Variants in SGCD observed in about 807,000 individuals in gnomAD.
SGCD encodes the protein delta-sarcoglycan.
In SGCD, 18 loss-of-function variants were observed where a neutral mutation model predicts 36.6. That is an observed-to-expected ratio of 0.49 (90% CI 0.34 to 0.73). The LOEUF (loss-of-function observed/expected upper bound fraction) is 0.73, where lower values mean the gene tolerates loss of function less well. SGCD is among the 30% of genes least tolerant of loss of function. SGCD has a pLI of 0.01. For synonymous variants in SGCD, 133 were observed against 130.6 expected (o/e 1.02, Z -0.12); for missense variants, 387 against 346.7 (o/e 1.12, Z -0.92).
intron 7 of SGCD, among the ~76,000 whole-genome samples, chr5:156,688,400 T>C (rs1241186564): frequency 6.6e-6 from 1 of 152,182 alleles, no homozygotes; most frequent in Non-Finnish European, 1.5e-5. Flanking sequence ...GCTCATTTGA[T>C]CTTCATAATA....
intron 3 of SGCD, among the ~76,000 whole-genome samples, chr5:156,229,407 C>G (rs1490056094): frequency 1.3e-5 from 2 of 150,188 alleles, no homozygotes; most frequent in Non-Finnish European, 3.0e-5. Flanking sequence ...AAGACCTTAT[C>G]TTTCCTTCAT....
intron 4 of SGCD, among the ~76,000 whole-genome samples, chr5:156,529,142 C>T (rs1223593142): frequency 6.6e-6 from 1 of 151,926 alleles, no homozygotes; most frequent in Non-Finnish European, 1.5e-5. Context: ...AAGAAAGGCA[C>T]ATGGGCCGGT....
intron 3 of SGCD, chr5:156,458,613 A>G (rs1235299124): frequency 6.1e-6 from 4 of 657,330 alleles, no homozygotes; most frequent in Non-Finnish European, 1.1e-5. Flanking sequence ...TTTTATTTGT[A>G]AAAATGAAAA....
intron 3 of SGCD, among the ~76,000 whole-genome samples, chr5:156,287,469 A>G (rs1430298513): frequency 6.6e-6 from 1 of 152,166 alleles, no homozygotes; most frequent in African/African-American, 2.4e-5. Flanking sequence ...TAAAATCCCA[A>G]TAGAGAGATG....
At chr5:156,574,564 A>T (rs1022948246) in intron 4 of SGCD, among the ~76,000 whole-genome samples, 1 of 152,190 alleles carries the variant, frequency 6.6e-6, no homozygotes, top group Non-Finnish European at 1.5e-5. Flanking sequence ...CTAATTAACC[A>T]CAACAGCACA....
the SGCD span, among the ~76,000 whole-genome samples, chr5:155,756,793 C>T: frequency 2.0e-5 from 3 of 152,142 alleles, no homozygotes; most frequent in East Asian, 1.9e-4. Flanking sequence ...ATGACAATCA[C>T]CTGCACCACA....
At chr5:156,490,909 C>A (rs1755910035) in intron 3 of SGCD, among the ~76,000 whole-genome samples, 2 of 151,998 alleles carry the variant, frequency 1.3e-5, no homozygotes, top group Non-Finnish European at 2.9e-5. Flanking sequence ...AAAAGAGGAA[C>A]TCAAATTGTC....
intron 3 of SGCD, among the ~76,000 whole-genome samples, chr5:156,409,986 A>G (rs1481967400): frequency 6.6e-6 from 1 of 152,186 alleles, no homozygotes; most frequent in Non-Finnish European, 1.5e-5. Context: ...ATGAAGTAAT[A>G]TGTTACCACA....
chr5:156,032,419 G>A (rs1378368968), intron 1 of SGCD, among the ~76,000 whole-genome samples: 2 of 151,644 alleles, frequency 1.3e-5, no homozygotes, highest in Non-Finnish European at 2.9e-5. Flanking sequence ...TCAATTGAAG[G>A]GTAAAAGAGT....
chr5:155,765,281 A>C, the SGCD span, among the ~76,000 whole-genome samples: 1 of 151,368 alleles, frequency 6.6e-6, no homozygotes, highest in Non-Finnish European at 1.5e-5. Flanking sequence ...CCCTGTCGAA[A>C]GAAAGAAAGA....
chr5:156,411,247 G>T (rs932227293), intron 3 of SGCD, among the ~76,000 whole-genome samples: 1 of 152,160 alleles, frequency 6.6e-6, no homozygotes, highest in African/African-American at 2.4e-5. Flanking sequence ...CCTCTGCACA[G>T]AACCTTTTTC....
chr5:155,905,509 G>A (rs769409441), intron 1 of SGCD, among the ~76,000 whole-genome samples: 22 of 152,124 alleles, frequency 1.4e-4, no homozygotes, highest in Non-Finnish European at 2.8e-4. Flanking sequence ...CTGGCACTGT[G>A]AAGCATGCAG....
At chr5:156,569,617 A>G (rs1287729447) in intron 4 of SGCD, among the ~76,000 whole-genome samples, 1 of 152,008 alleles carries the variant, frequency 6.6e-6, no homozygotes, top group Non-Finnish European at 1.5e-5. Context: ...AAAAAAAAAA[A>G]AAATAGACAA....
intron 3 of SGCD, among the ~76,000 whole-genome samples, chr5:156,469,262 T>A (rs545933226): frequency 6.6e-6 from 1 of 152,312 alleles, no homozygotes; most frequent in Non-Finnish European, 1.5e-5. Flanking sequence ...ATAGCTTCCA[T>A]CCACTTCTCA....
the SGCD span, among the ~76,000 whole-genome samples, chr5:155,864,848 A>G: frequency 6.6e-6 from 1 of 152,228 alleles, no homozygotes; most frequent in Non-Finnish European, 1.5e-5. Context: ...TAGGAAAAAT[A>G]GGAACCCATC....
intron 3 of SGCD, among the ~76,000 whole-genome samples, chr5:156,303,871 C>G (rs1195848125): frequency 6.6e-6 from 1 of 151,150 alleles, no homozygotes; most frequent in African/African-American, 2.4e-5. Flanking sequence ...TTCCCTTTTT[C>G]TCCTCAAGCA....
intron 4 of SGCD, among the ~76,000 whole-genome samples, chr5:156,548,738 C>CTAA (rs1461423068): frequency 2.0e-5 from 3 of 152,072 alleles, no homozygotes; most frequent in African/African-American, 7.2e-5. Context: ...CTGGAGCACA[C>CTAA]TAATGCACAG....
intron 7 of SGCD, among the ~76,000 whole-genome samples, chr5:156,665,139 G>A (rs1449230649): frequency 6.6e-6 from 1 of 152,150 alleles, no homozygotes; most frequent in African/African-American, 2.4e-5. Flanking sequence ...CCGGCGGCCA[G>A]TATTGATAGG....
At chr5:155,816,517 CTTG>C in the SGCD span, among the ~76,000 whole-genome samples, 1 of 152,100 alleles carries the variant, frequency 6.6e-6, no homozygotes, top group Admixed American at 6.5e-5. Context: ...AGAGTTTCGT[CTTG>C]TTGTCTCAGG....
Sources: gnomAD v4.1 joint callset for allele counts (sites outside exome capture counted in the v4.1 genomes callset) on GRCh38, gnomAD v4.1.1 for gene constraint, MANE v1.5 for transcripts, NCBI Gene and HGNC (gene_info 2026-07-23, HGNC 2026-07-21) for gene names.